The following BCL2L1 variants were observed in gnomAD, a reference collection of about 807,000 sequenced individuals.
The protein encoded by BCL2L1 is bcl-2-like protein 1.
Under a neutral mutation model 18.7 loss-of-function variants are expected in BCL2L1, and 1 was observed. The observed-to-expected ratio is 0.05, with a 90% CI of 0.02 to 0.25. BCL2L1 has a LOEUF of 0.25. Among genes scored for constraint, BCL2L1 ranks in the 10% least tolerant of loss-of-function variants. The probability of loss-of-function intolerance (pLI) is 1.00; values close to 1 mark genes in which losing one functional copy is unlikely to be tolerated. For synonymous variants in BCL2L1, 103 were observed against 122.7 expected (o/e 0.84, Z 1.06); for missense variants, 207 against 304.9 (o/e 0.68, Z 2.39).
At chr20:31,675,886 TTCC>T (rs2060750979) in intron 2 of BCL2L1, among the ~76,000 whole-genome samples, 1 of 152,216 alleles carries the variant, frequency 6.6e-6, no homozygotes. Context: ...CATGTTTATC[TTCC>T]TCCAACTCTG....
At chr20:31,703,359 A>G (rs953337672) in intron 2 of BCL2L1, among the ~76,000 whole-genome samples, 5 of 151,824 alleles carry the variant, frequency 3.3e-5, no homozygotes, top group Non-Finnish European at 7.4e-5. Context: ...TTGTATTTTT[A>G]GTAGAGACGG....
At chr20:31,713,653 A>T in intron 2 of BCL2L1, 1 of 906,866 alleles carries the variant, frequency 1.1e-6, no homozygotes, top group Non-Finnish European at 1.3e-6. Context: ...CAGTTTCTTT[A>T]TACAAAACCA....
intron 2 of BCL2L1, among the ~76,000 whole-genome samples, chr20:31,669,437 T>C (rs1036898945): frequency 1.3e-5 from 2 of 149,898 alleles, no homozygotes; most frequent in Admixed American, 6.7e-5. Flanking sequence ...TGTTGTGATG[T>C]GTCTTCCATA....
rs1387647930 is a variant in BCL2L1, at chr20:31,664,842, G to T, written c.*1107C>A. The stretch of plus-strand genomic sequence containing the variant: ...TGGAGCAGAAGAGAGAGGGAGGCCT[G>T]AAGAGCTCCTGGCCAGGCCACTCTG... On this transcript the variant is annotated 3_prime_UTR_variant, in exon 3 of 3. Coordinates refer to ENST00000307677, the MANE Select transcript of BCL2L1 (RefSeq NM_138578.3). The T allele has an allele frequency of 4.9e-5, 11 of 222,382 alleles. No homozygotes were observed. The highest frequency in any genetic ancestry group is 1.8e-5 in the Non-Finnish European group (2 of 110,798). 13.8% of individuals were successfully genotyped at this position (222,382 alleles called of 1,614,324 possible). A position where few individuals can be genotyped will look rare whatever the true frequency, so the allele number is the denominator to read the frequency against.
intron 2 of BCL2L1, among the ~76,000 whole-genome samples, chr20:31,708,959 C>T (rs1392806897): frequency 2.0e-5 from 3 of 152,236 alleles, no homozygotes; most frequent in Non-Finnish European, 4.4e-5. Context: ...CCCAAAATAA[C>T]AACCAGGGCA....
At chr20:31,695,312 C>CAAA (rs2061149082) in intron 2 of BCL2L1, among the ~76,000 whole-genome samples, 1 of 152,184 alleles carries the variant, frequency 6.6e-6, no homozygotes, top group African/African-American at 2.4e-5. Flanking sequence ...CATGCCTTTC[C>CAAA]ACTGCCCTTA....
rs34438752 is a variant in BCL2L1, at chr20:31,673,489, TA to T, written c.565-7404del. Among the ~76,000 whole-genome samples, 999 of 138,266 alleles carry T rather than the reference TA, an allele frequency of 7.2e-3. 6 individuals carry two copies. Among genetic ancestry groups the T allele is most frequent in the South Asian group, 0.012 (52 of 4,298 alleles). 90.7% of individuals were successfully genotyped at this position (138,266 alleles called of 152,430 possible). ...GAGGACCCTGTCTCTACAAAAAAAT[TA>T]AAAAAAAAAAAAAAATTAGCTGGGT... On this transcript the variant is annotated intron_variant, in intron 2 of 2. Transcript: ENST00000307677.
chr20:31,714,055 C>T (rs1027899107), intron 2 of BCL2L1, among the ~76,000 whole-genome samples: 1 of 152,168 alleles, frequency 6.6e-6, no homozygotes, highest in Non-Finnish European at 1.5e-5. Flanking sequence ...TAGGGTAGCA[C>T]TATTGTGGGC....
At chr20:31,673,334 A>G (rs1292482173) in intron 2 of BCL2L1, among the ~76,000 whole-genome samples, 1 of 151,880 alleles carries the variant, frequency 6.6e-6, no homozygotes, top group South Asian at 2.1e-4. Flanking sequence ...TTGGCCTCCC[A>G]AAGTGCTAGG....
At chr20:31,688,889 C>T (rs2061008094) in intron 2 of BCL2L1, among the ~76,000 whole-genome samples, 1 of 152,116 alleles carries the variant, frequency 6.6e-6, no homozygotes, top group African/African-American at 2.4e-5. Context: ...AGAGATACAA[C>T]TTTGATATTT....
intron 2 of BCL2L1, among the ~76,000 whole-genome samples, chr20:31,714,193 G>A (rs1262547657): frequency 6.6e-6 from 1 of 152,218 alleles, no homozygotes; most frequent in Non-Finnish European, 1.5e-5. Context: ...CCGCCACAAG[G>A]CCTAAGGATA....
chr20:31,709,597 G>A (rs910175975), intron 2 of BCL2L1, among the ~76,000 whole-genome samples: 1 of 152,000 alleles, frequency 6.6e-6, no homozygotes, highest in African/African-American at 2.4e-5. Context: ...GCTTTGGGAG[G>A]CTGAGGCGGG....
intron 2 of BCL2L1, among the ~76,000 whole-genome samples, chr20:31,699,193 C>A (rs2061238924): frequency 6.6e-6 from 1 of 152,216 alleles, no homozygotes; most frequent in African/African-American, 2.4e-5. Context: ...CTTTTAAAAA[C>A]CTTTTAGCTC....
upstream of BCL2L1, chr20:31,722,943 T>A (rs972002034): frequency 2.0e-5 from 3 of 152,284 alleles, no homozygotes; most frequent in Admixed American, 6.5e-5. Context: ...CCCTTGGCTC[T>A]CCGCCTCCTA....
At chr20:31,678,265 C>G (rs1159417100) in intron 2 of BCL2L1, among the ~76,000 whole-genome samples, 2 of 152,186 alleles carry the variant, frequency 1.3e-5, no homozygotes, top group Admixed American at 1.3e-4. Context: ...TTGTCTGATG[C>G]AGATCAGTGC....
At position 31,687,591 on chromosome 20, in the gene BCL2L1, C is replaced by T. The variant is rs181264480; in HGVS notation, c.565-21505G>A. Among the ~76,000 whole-genome samples, 310 of 149,938 alleles carry T rather than the reference C, an allele frequency of 2.1e-3. 1 individual carries two copies. The highest frequency in any genetic ancestry group is 2.1e-3 in the Non-Finnish European group (145 of 67,682). On this transcript the variant is annotated intron_variant, in intron 2 of 2. Transcript: ENST00000307677. Reference sequence around the variant, plus strand: ...ACTCAGGAGGCTGAGGCAGGAGAATCGCTTGAACCCGGGAGTCGGAGGTTG... The same window carrying T: ...ACTCAGGAGGCTGAGGCAGGAGAATTGCTTGAACCCGGGAGTCGGAGGTTG...
At chr20:31,708,215 C>A (rs952664140) in intron 2 of BCL2L1, among the ~76,000 whole-genome samples, 10 of 152,178 alleles carry the variant, frequency 6.6e-5, no homozygotes, top group Non-Finnish European at 1.0e-4. Flanking sequence ...ACTCACCAAC[C>A]CTCTAGAGAG....
At chr20:31,707,474 A>G (rs2061384948) in intron 2 of BCL2L1, among the ~76,000 whole-genome samples, 1 of 152,160 alleles carries the variant, frequency 6.6e-6, no homozygotes, top group African/African-American at 2.4e-5. Context: ...TGCTCTCAAG[A>G]GTGTTTCAAG....
chr20:31,721,785 G>A lies in BCL2L1; in HGVS notation c.434C>T (p.Ser145Phe). ...TTCCACGCACAGTGCCCCGCCGAAGGAGAAAAAGGCCACAATGCGACCCCA... is the reference window on the plus strand; with the variant it reads ...TTCCACGCACAGTGCCCCGCCGAAGAAGAAAAAGGCCACAATGCGACCCCA... The part of the protein sequence containing the change: ...VNWGRIVAFF[S>F]FGGALCVESV... Residue 145 changes from serine (S) to phenylalanine (F), a missense_variant, in exon 2 of 3, where the codon TCC becomes TTC. Ser to Phe is a radical substitution (Grantham distance 155). Transcript: ENST00000307677. 1 of 1,614,116 alleles carries A rather than the reference G, an allele frequency of 6.2e-7. No individual in the cohort carries two copies. The highest frequency in any genetic ancestry group is 8.5e-7 in the Non-Finnish European group (1 of 1,180,030).
Sources: allele counts gnomAD v4.1 joint callset (sites outside exome capture counted in the v4.1 genomes callset), GRCh38; gene constraint gnomAD v4.1.1; transcripts MANE v1.5; gene names NCBI Gene and HGNC (gene_info 2026-07-23, HGNC 2026-07-21).